Variants in CLRN1 observed in about 807,000 individuals in gnomAD.
CLRN1 encodes the protein clarin-1.
CLRN1 carries 15 observed loss-of-function variants against 18.7 expected under a neutral mutation model. The observed-to-expected ratio is 0.80, with a 90% CI of 0.54 to 1.23. CLRN1 has a LOEUF of 1.23. Among genes scored for constraint, CLRN1 ranks in the 50% most tolerant of loss-of-function variants. The pLI is 0.00. For synonymous variants in CLRN1, 104 were observed against 102.9 expected, an observed-to-expected ratio of 1.01 and a Z score of -0.07; for missense variants, 311 against 277.5, an observed-to-expected ratio of 1.12 and a Z score of -0.86.
At chr3:150,957,908 A>G (rs1245977244) in intron 1 of CLRN1, among the ~76,000 whole-genome samples, 1 of 151,822 alleles carries the variant, frequency 6.6e-6, no homozygotes, top group South Asian at 2.1e-4. Context: ...TGATCTACCC[A>G]CTGCAGCCTC....
rs1437236489 is a variant in CLRN1, at chr3:150,926,892, G to A, written c.*1044C>T. Reference sequence around the variant, plus strand: ...AGTCAGCTGCAGATCAATTTGATGGGTAATTCAGGGGAAAAAAAAAGTTGA... The same window carrying A: ...AGTCAGCTGCAGATCAATTTGATGGATAATTCAGGGGAAAAAAAAAGTTGA... On this transcript the variant is annotated 3_prime_UTR_variant, in exon 3 of 3. Coordinates refer to ENST00000327047, the MANE Select transcript of CLRN1 (RefSeq NM_174878.3). 2 of 1,614,052 alleles carry A rather than the reference G, an allele frequency of 1.2e-6. No homozygotes were observed. The highest frequency in any genetic ancestry group is 1.7e-6 in the Non-Finnish European group (2 of 1,180,024).
chr3:150,943,592 G>A (rs1713982259), intron 1 of CLRN1, among the ~76,000 whole-genome samples: 1 of 152,128 alleles, frequency 6.6e-6, no homozygotes, highest in Admixed American at 6.5e-5. Context: ...GTTCATCTGT[G>A]TGACCCCATT....
chr3:150,946,920 C>G (rs1374406086), intron 1 of CLRN1, among the ~76,000 whole-genome samples: 1 of 136,548 alleles, frequency 7.3e-6, no homozygotes, highest in Admixed American at 7.7e-5. Flanking sequence ...ACAACAGTCC[C>G]CACAGTGTGA....
At chr3:150,961,985 G>A (rs1715060874) in intron 1 of CLRN1, among the ~76,000 whole-genome samples, 1 of 152,144 alleles carries the variant, frequency 6.6e-6, no homozygotes, top group Admixed American at 6.5e-5. Context: ...GATTTTCTCA[G>A]CCCCTTACCT....
At chr3:150,968,998 ACT>A (rs1715395917) in intron 1 of CLRN1, among the ~76,000 whole-genome samples, 2 of 151,220 alleles carry the variant, frequency 1.3e-5, no homozygotes, top group Admixed American at 1.3e-4. Flanking sequence ...TGCCTATTAA[ACT>A]CTCTGCTCCA....
At chr3:150,934,827 CTCTCTCTCTG>C (rs747981816) in intron 2 of CLRN1, among the ~76,000 whole-genome samples, 100 of 151,868 alleles carry the variant, frequency 6.6e-4, no homozygotes, top group Non-Finnish European at 1.3e-3. Flanking sequence ...CTTTCTCTTT[CTCTCTCTCTG>C]TCTCTCTCTT....
At chr3:150,952,118 T>C (rs533660307) in intron 1 of CLRN1, among the ~76,000 whole-genome samples, 1 of 152,324 alleles carries the variant, frequency 6.6e-6, no homozygotes, top group Non-Finnish European at 1.5e-5. Flanking sequence ...TCCGGCAGCA[T>C]AGCAGTCTTA....
intron 1 of CLRN1, among the ~76,000 whole-genome samples, chr3:150,972,100 G>T (rs774094342): frequency 3.3e-5 from 5 of 152,042 alleles, no homozygotes; most frequent in Non-Finnish European, 4.4e-5. Flanking sequence ...TTTTTATAAA[G>T]AACAAAAAGC....
At chr3:150,931,564 A>G (rs1359218601) in intron 2 of CLRN1, among the ~76,000 whole-genome samples, 2 of 152,186 alleles carry the variant, frequency 1.3e-5, no homozygotes, top group East Asian at 1.9e-4. Flanking sequence ...CATTCCTCCC[A>G]TGGTCAGAGG....
chr3:150,929,936 A>C (rs1018194430), intron 2 of CLRN1, among the ~76,000 whole-genome samples: 2 of 152,226 alleles, frequency 1.3e-5, no homozygotes, highest in Non-Finnish European at 2.9e-5. Flanking sequence ...AGTTAAAGTT[A>C]ATCCAAATAT....
chr3:150,968,225 T>C (rs1416066897), intron 1 of CLRN1, among the ~76,000 whole-genome samples: 1 of 152,164 alleles, frequency 6.6e-6, no homozygotes, highest in East Asian at 1.9e-4. Flanking sequence ...ATGTTTCAAA[T>C]TACCGAAACA....
At chr3:150,936,968 C>T (rs1713529593) in intron 2 of CLRN1, among the ~76,000 whole-genome samples, 1 of 152,176 alleles carries the variant, frequency 6.6e-6, no homozygotes, top group East Asian at 1.9e-4. Context: ...TCTTCCCTGA[C>T]CACCATCTCA....
intron 1 of CLRN1, among the ~76,000 whole-genome samples, chr3:150,953,357 C>T (rs879447047): frequency 6.6e-6 from 1 of 152,116 alleles, no homozygotes; most frequent in Non-Finnish European, 1.5e-5. Flanking sequence ...ATTCTCTTAT[C>T]TTTGATTTCT....
At chr3:150,972,303 A>G (rs1051728661) in intron 1 of CLRN1, among the ~76,000 whole-genome samples, 153 bp downstream of exon 1, 3 of 152,250 alleles carry the variant, frequency 2.0e-5, no homozygotes, top group Non-Finnish European at 2.9e-5. Flanking sequence ...ACTAGGAAGA[A>G]GAAATTGCTC....
In CLRN1 at chr3:150,944,769, A is replaced by C. The variant is rs569279658; in HGVS notation, c.254-3008T>G. Reference sequence around the variant, plus strand: ...GAATCCGTCTCAAAAAAAAAAAAAGAAGAGTCAAGGATTACTTCAAATTTT... The same window carrying C: ...GAATCCGTCTCAAAAAAAAAAAAAGCAGAGTCAAGGATTACTTCAAATTTT... On this transcript the variant is annotated intron_variant, in intron 1 of 2. Coordinates refer to ENST00000327047, the MANE Select transcript of CLRN1 (RefSeq NM_174878.3). Among the ~76,000 whole-genome samples, 6 of 151,956 alleles carry C rather than the reference A, an allele frequency of 3.9e-5. No individual in the cohort carries two copies. In the East Asian group the frequency reaches 1.2e-3, roughly 30 times the overall value.
Position 150,943,738 on chromosome 3 carries a change from A to G in CLRN1, c.254-1977T>C, listed in dbSNP as rs1037906469. On this transcript the variant is annotated intron_variant, in intron 1 of 2. Transcript: ENST00000327047. Reference sequence around the variant, plus strand: ...AAGCAAAGGGCCCACTGAGCTGACAACACACTGCTGTCCACAGATGGCAGA... The same window carrying G: ...AAGCAAAGGGCCCACTGAGCTGACAGCACACTGCTGTCCACAGATGGCAGA... The G allele has an allele frequency of 3.7e-6, 6 of 1,608,442 alleles. No homozygotes were observed. In the African/African-American group the frequency reaches 5.3e-5, roughly 14 times the overall value.
chr3:150,947,454 T>G (rs578019033), intron 1 of CLRN1, among the ~76,000 whole-genome samples: 19 of 152,176 alleles, frequency 1.2e-4, no homozygotes, highest in African/African-American at 4.3e-4. Flanking sequence ...CACACAATAG[T>G]AGTAGGAGAC....
chr3:150,944,644 G>T (rs983755710), intron 1 of CLRN1, among the ~76,000 whole-genome samples: 1 of 151,942 alleles, frequency 6.6e-6, no homozygotes, highest in Admixed American at 6.5e-5. Context: ...TGGATCACGA[G>T]GTCAGAAGAC....
rs1419195841 is a variant in CLRN1 at position 150,960,641 on chromosome 3, T to C, written c.253+11815A>G. On this transcript the variant is annotated intron_variant, in intron 1 of 2. Transcript: ENST00000327047. Reference sequence around the variant, plus strand: ...TTACTTCTATTTCCCTTGTGCAATTTCTTGGACATCCTCTGTAATGGCTGG... The same window carrying C: ...TTACTTCTATTTCCCTTGTGCAATTCCTTGGACATCCTCTGTAATGGCTGG... 3.4e-4 allele frequency among the ~76,000 whole-genome samples: 52 copies of C among 152,248 alleles called. 1 individual carries two copies. The highest frequency in any genetic ancestry group is 2.9e-5 in the Non-Finnish European group (2 of 68,048).
Sources: allele counts gnomAD v4.1 joint callset (sites outside exome capture counted in the v4.1 genomes callset), GRCh38; gene constraint gnomAD v4.1.1; transcripts MANE v1.5; gene names NCBI Gene and HGNC (gene_info 2026-07-23, HGNC 2026-07-21).